CPEB1: variants seen among roughly 807,000 people sequenced by gnomAD.
CPEB1 encodes the protein cytoplasmic polyadenylation element-binding protein 1.
A neutral mutation model predicts 65.8 loss-of-function variants in CPEB1; 7 were observed. The observed-to-expected ratio is 0.11, with a 90% CI of 0.06 to 0.20. CPEB1 has a LOEUF of 0.20. Ranked by LOEUF, CPEB1 falls within the 10% of genes least tolerant of loss-of-function variation. The pLI is 1.00. For missense variants in CPEB1, 551 were observed against 712.2 expected (o/e 0.77, Z 2.58); for synonymous variants, 262 against 260.0 (o/e 1.01, Z -0.08).
intron 3 of CPEB1, among the ~76,000 whole-genome samples, chr15:82,625,921 C>A (rs910723953): frequency 8.6e-5 from 13 of 150,794 alleles, no homozygotes; most frequent in Non-Finnish European, 1.8e-4. Context: ...GAGTTTGAGA[C>A]CAGCCTGGCC....
chr15:82,642,795 C>G (rs2047213602), intron 1 of CPEB1, among the ~76,000 whole-genome samples: 1 of 152,164 alleles, frequency 6.6e-6, no homozygotes. Flanking sequence ...GAGATTAGCA[C>G]AACTTCTCCA....
At chr15:82,576,015 A>T (rs905305577) in intron 3 of CPEB1, among the ~76,000 whole-genome samples, 4 of 152,348 alleles carry the variant, frequency 2.6e-5, no homozygotes, top group Admixed American at 6.5e-5. Flanking sequence ...ATGTCTAATA[A>T]AACACCTGTG....
At chr15:82,584,722 T>G (rs1233993269) in intron 3 of CPEB1, among the ~76,000 whole-genome samples, 1 of 148,002 alleles carries the variant, frequency 6.8e-6, no homozygotes, top group Non-Finnish European at 1.5e-5. Context: ...ATCTACACAG[T>G]AAAATGCTAT....
At chr15:82,613,136 T>C (rs1446353837) in intron 3 of CPEB1, among the ~76,000 whole-genome samples, 1 of 152,172 alleles carries the variant, frequency 6.6e-6, no homozygotes, top group South Asian at 2.1e-4. Flanking sequence ...TTATCTCTTA[T>C]GTGCATGAAT....
intron 1 of CPEB1, chr15:82,637,893 T>A (rs2046793035): frequency 7.3e-6 from 3 of 413,168 alleles, no homozygotes; most frequent in South Asian, 5.3e-5. Flanking sequence ...TATTCACCCA[T>A]TAGAAATTAA....
At chr15:82,646,377 T>A (rs1204976853) in intron 1 of CPEB1, among the ~76,000 whole-genome samples, 2 of 152,070 alleles carry the variant, frequency 1.3e-5, no homozygotes, top group African/African-American at 4.8e-5. Flanking sequence ...GCGGGGAGGC[T>A]GGGCGGTAGC....
chr15:82,622,989 T>C (rs1046590255), intron 3 of CPEB1, among the ~76,000 whole-genome samples: 6 of 152,208 alleles, frequency 3.9e-5, no homozygotes, highest in Non-Finnish European at 5.9e-5. Flanking sequence ...TGTGACCTTT[T>C]GGTAAGCCCT....
At chr15:82,562,417 T>C (rs1596023769) in intron 4 of CPEB1, 1 of 291,116 alleles carries the variant, frequency 3.4e-6, no homozygotes, top group East Asian at 8.8e-5. Flanking sequence ...CCCCAGGAGA[T>C]GTGTATACAC....
At chr15:82,567,356 G>A (rs527633130) in intron 4 of CPEB1, among the ~76,000 whole-genome samples, 6 of 152,044 alleles carry the variant, frequency 3.9e-5, no homozygotes, top group African/African-American at 1.4e-4. Flanking sequence ...ACCAGAGTGT[G>A]GGCCAGGCAC....
At chr15:82,584,258 C>CAA (rs71156038) in intron 3 of CPEB1, among the ~76,000 whole-genome samples, 1,734 of 53,174 alleles carry the variant, frequency 0.033, 159 homozygotes, top group African/African-American at 0.081. Flanking sequence ...GACTCCGTCT[C>CAA]AAAAAAAAAA....
intron 3 of CPEB1, among the ~76,000 whole-genome samples, chr15:82,588,249 A>C (rs1384669004): frequency 6.6e-6 from 1 of 151,994 alleles, no homozygotes; most frequent in Non-Finnish European, 1.5e-5. Context: ...ATCCAGCCCA[A>C]AGGTTTTCTT....
intron 3 of CPEB1, among the ~76,000 whole-genome samples, chr15:82,580,332 A>G (rs573906128): frequency 5.1e-4 from 78 of 151,872 alleles, no homozygotes; most frequent in African/African-American, 1.6e-3. Context: ...AAAAAAAAAA[A>G]AAGAAGAAGA....
At chr15:82,629,380 T>C (rs1465584693) in intron 1 of CPEB1, 1 of 985,186 alleles carries the variant, frequency 1.0e-6, no homozygotes, top group Admixed American at 6.1e-5. Flanking sequence ...TGGTCATTAT[T>C]AGTACATACA....
At chr15:82,626,243 G>A (rs1187809997) in intron 3 of CPEB1, among the ~76,000 whole-genome samples, 1 of 151,358 alleles carries the variant, frequency 6.6e-6, no homozygotes. Context: ...AGACCATCCT[G>A]GCCAACATGG....
intron 1 of CPEB1, among the ~76,000 whole-genome samples, chr15:82,639,648 T>G (rs1596144678): frequency 6.6e-6 from 1 of 152,362 alleles, no homozygotes; most frequent in African/African-American, 2.4e-5. Flanking sequence ...GTAACAGGTC[T>G]GACTGGTGTC....
chr15:82,574,722 C>CAAATAAAAAA (rs2040462905), intron 3 of CPEB1, among the ~76,000 whole-genome samples: 1 of 53,506 alleles, frequency 1.9e-5, no homozygotes, highest in Admixed American at 3.2e-4. Context: ...GACTCGGTCT[C>CAAATAAAAAA]AAAAAAAAAA....
At chr15:82,625,079 T>G (rs575080448) in intron 3 of CPEB1, among the ~76,000 whole-genome samples, 1 of 152,216 alleles carries the variant, frequency 6.6e-6, no homozygotes, top group South Asian at 2.1e-4. Flanking sequence ...GTGATCCACC[T>G]GCTCCAGCCT....
chr15:82,544,746 C>T, intron 12 of CPEB1, 44 bp from the exon 13 acceptor site: 1 of 1,412,704 alleles, frequency 7.1e-7, no homozygotes, highest in Non-Finnish European at 1.0e-6. Flanking sequence ...CCTGTGTCAG[C>T]ACCAGACACA....
chr15:82,582,612 C>G (rs745412589), intron 3 of CPEB1, among the ~76,000 whole-genome samples: 9 of 152,006 alleles, frequency 5.9e-5, no homozygotes, highest in Non-Finnish European at 1.3e-4. Flanking sequence ...TTTCTAGACC[C>G]AGGTCTACAC....
Sources: gnomAD v4.1 joint callset for allele counts (sites outside exome capture counted in the v4.1 genomes callset) on GRCh38, gnomAD v4.1.1 for gene constraint, MANE v1.5 for transcripts, NCBI Gene and HGNC (gene_info 2026-07-23, HGNC 2026-07-21) for gene names.